The following NEK1 variants were observed in gnomAD, a reference collection of about 807,000 sequenced individuals.
The protein encoded by NEK1 is serine/threonine-protein kinase Nek1.
NEK1 carries 137 observed loss-of-function variants against 182.1 expected under a neutral mutation model. The ratio of observed to expected loss-of-function variants is 0.75; its 90% confidence interval spans 0.65 to 0.87. NEK1 has a LOEUF of 0.87. Among genes scored for constraint, NEK1 ranks in the 40% least tolerant of loss-of-function variants. The pLI is 0.00. For synonymous variants in NEK1, 513 were observed against 492.2 expected, an observed-to-expected ratio of 1.04 and a Z score of -0.56; for missense variants, 1,391 against 1,494.4, an observed-to-expected ratio of 0.93 and a Z score of 1.14.
At chr4:169,593,525 T>C (rs1489929013) in intron 5 of NEK1, among the ~76,000 whole-genome samples, 1 of 152,108 alleles carries the variant, frequency 6.6e-6, no homozygotes, top group African/African-American at 2.4e-5. Flanking sequence ...GAAGAGGTGA[T>C]TTCTGAGCTC....
chr4:169,439,392 T>TAG (rs1373641794), intron 27 of NEK1, among the ~76,000 whole-genome samples: 1 of 152,210 alleles, frequency 6.6e-6, no homozygotes, highest in Admixed American at 6.5e-5. Flanking sequence ...TATAAGTTGT[T>TAG]TTACTCTTTA....
At position 169,424,764 on chromosome 4, in the gene NEK1, T is replaced by A. The variant is rs1736080592; in HGVS notation, c.3011A>T (p.Asp1004Val). Residue 1004 changes from aspartate to valine, a missense_variant, in exon 31 of 36, where the codon GAT becomes GTT. Around this residue, in one of 5 missense-constraint regions of NEK1, gnomAD observed 1,216 missense variants for 1,277.6 expected, o/e 0.95. Transcript: ENST00000507142. ...GTNDSQHSKCDVDKSVQPEPF... is the reference protein window; with the variant it reads ...GTNDSQHSKCVVDKSVQPEPF... The stretch of plus-strand genomic sequence containing the variant: ...TTCCGGTTGCACAGACTTATCTACA[T>A]CACATTTAGAGTGCTGAGAATCATT... 4 of 1,613,204 alleles carry A rather than the reference T, an allele frequency of 2.5e-6. No homozygotes were observed. The highest frequency in any genetic ancestry group is 1.1e-5 in the South Asian group (1 of 91,036).
intron 2 of NEK1, among the ~76,000 whole-genome samples, chr4:169,610,682 A>G (rs752358344): frequency 1.5e-4 from 23 of 152,226 alleles, no homozygotes; most frequent in Non-Finnish European, 3.1e-4. Flanking sequence ...CCACATATAA[A>G]CAATTTTAGA....
Position 169,460,609 on chromosome 4 carries a change from T to A in NEK1, c.2587+2634A>T, listed in dbSNP as rs868636582. Among the ~76,000 whole-genome samples the A allele has an allele frequency of 5.9e-5, 9 of 152,166 alleles. No homozygotes were observed. The South Asian group carries it at 1.7e-3, about 28-fold the overall frequency. ...CAAACAAAAAAAACCCACTATGTACTGTACTAGAAAAATAAACTCAATGCC... is the reference window on the plus strand; with the variant it reads ...CAAACAAAAAAAACCCACTATGTACAGTACTAGAAAAATAAACTCAATGCC... On this transcript the variant is annotated intron_variant, in intron 27 of 35. Transcript: ENST00000507142.
intron 5 of NEK1, among the ~76,000 whole-genome samples, chr4:169,594,227 C>T (rs1015360320): frequency 6.6e-6 from 1 of 152,142 alleles, no homozygotes; most frequent in African/African-American, 2.4e-5. Context: ...CCTTATAGCA[C>T]CAAACAGTAC....
intron 31 of NEK1, among the ~76,000 whole-genome samples, chr4:169,408,520 T>C (rs1733039077): frequency 6.6e-6 from 1 of 152,202 alleles, no homozygotes; most frequent in African/African-American, 2.4e-5. Context: ...GATTTTTGGT[T>C]ACATGGATAC....
intron 24 of NEK1, among the ~76,000 whole-genome samples, chr4:169,478,723 T>C (rs1035337108): frequency 3.9e-5 from 6 of 152,132 alleles, no homozygotes; most frequent in African/African-American, 1.2e-4. Context: ...GAAGTTATTA[T>C]GTTATCTGAT....
chr4:169,406,932 G>A (rs1035382895), intron 31 of NEK1, among the ~76,000 whole-genome samples, 185 bp from the exon 32 acceptor site: 1 of 151,584 alleles, frequency 6.6e-6, no homozygotes, highest in Admixed American at 6.6e-5. Context: ...TTTAGAGCTA[G>A]AGGATCCAAA....
Position 169,402,048 on chromosome 4 carries a change from G to C in NEK1, c.3375-188C>G, listed in dbSNP as rs142245318. On this transcript the variant is annotated intron_variant, in intron 32 of 35. Transcript: ENST00000507142. ...TGTTTTTCACCGGTAAATTGAGGATGAATACAACTGATAAATATATCACAC... is the reference window on the plus strand; with the variant it reads ...TGTTTTTCACCGGTAAATTGAGGATCAATACAACTGATAAATATATCACAC... Among the ~76,000 whole-genome samples, 763 of 152,242 alleles carry C rather than the reference G, an allele frequency of 5.0e-3. 8 individuals carry two copies. The highest frequency in any genetic ancestry group is 0.018 in the African/African-American group (727 of 41,540).
At chr4:169,539,860 A>G (rs1270631047) in intron 18 of NEK1, among the ~76,000 whole-genome samples, 1 of 152,120 alleles carries the variant, frequency 6.6e-6, no homozygotes, top group Non-Finnish European at 1.5e-5. Context: ...ACGGAAGTAA[A>G]GCATGTTTGA....
rs962309930 is a variant in NEK1, at chr4:169,562,192, T to C, written c.1025A>G (p.His342Arg). ...KKPLQKHKQA[H>R]QTPEKRVNTG... ...ATTCACTCTCTTCTCTGGAGTTTGA[T>C]GGGCCTGGACAAAAAGTAAAACTAC... is the stretch of plus-strand genomic sequence containing the variant. The change falls in exon 13 of 36, where the codon CAT (histidine) becomes CGT (arginine). Residue 342 changes from histidine to arginine, a missense_variant. Physicochemically the swap from His to Arg is conservative, Grantham distance 29. This residue lies in a region of NEK1 where 1,216 missense variants were observed against 1,277.6 expected (regional missense o/e 0.95). Coordinates refer to ENST00000507142, the MANE Select transcript of NEK1 (RefSeq NM_001199397.3). 6 of 1,544,162 alleles carry C rather than the reference T, an allele frequency of 3.9e-6. No individual in the cohort carries two copies. Among genetic ancestry groups the C allele is most frequent in the Non-Finnish European group, 4.4e-6 (5 of 1,142,340 alleles).
intron 18 of NEK1, among the ~76,000 whole-genome samples, chr4:169,539,334 G>A (rs1276627138): frequency 2.0e-5 from 3 of 152,180 alleles, no homozygotes; most frequent in African/African-American, 4.8e-5. Context: ...ATCAATGTAA[G>A]GCTATATCCT....
At position 169,561,538 on chromosome 4, in the gene NEK1, C is replaced by T. The variant is rs778755268; in HGVS notation, c.1208G>A (p.Arg403Lys). Residue 403 changes from arginine to lysine, a missense_variant, in exon 16 of 36, where the codon AGG becomes AAG. Physicochemically the swap from Arg to Lys is conservative, Grantham distance 26 (BLOSUM62 2). Transcript: ENST00000507142. ...QEKERLERIN[R>K]AREQGWRNVL... ...ATTTCTCCATCCTTGTTCCCTGGCC[C>T]TATTTATTCTTTCCAACTTTGGGGA... 1.9e-6 allele frequency: 3 copies of T among 1,613,294 alleles called. No individual in the cohort carries two copies. The highest frequency in any genetic ancestry group is 2.2e-5 in the South Asian group (2 of 90,910).
intron 26 of NEK1, among the ~76,000 whole-genome samples, chr4:169,465,940 T>C (rs1250086083): frequency 6.6e-6 from 1 of 151,914 alleles, no homozygotes; most frequent in Non-Finnish European, 1.5e-5. Flanking sequence ...TTCACAACAT[T>C]TGGACACCCC....
intron 31 of NEK1, among the ~76,000 whole-genome samples, chr4:169,417,580 T>C (rs1734762648): frequency 6.6e-6 from 1 of 152,156 alleles, no homozygotes; most frequent in East Asian, 1.9e-4. Context: ...ATAAATTATA[T>C]TTAAAGCCTT....
intron 27 of NEK1, among the ~76,000 whole-genome samples, chr4:169,442,538 A>G (rs1739677963): frequency 6.6e-6 from 1 of 152,252 alleles, no homozygotes; most frequent in Non-Finnish European, 1.5e-5. Flanking sequence ...AAACATGAAA[A>G]GTAAGGAAAC....
intron 33 of NEK1, 81 bp from the exon 34 acceptor site, chr4:169,400,732 A>G: frequency 2.1e-6 from 2 of 959,146 alleles, no homozygotes; most frequent in Non-Finnish European, 3.0e-6. Flanking sequence ...TTCTATGACA[A>G]ATGAATAATG....
At chr4:169,515,556 G>T (rs1437421910) in intron 19 of NEK1, among the ~76,000 whole-genome samples, 3 of 143,064 alleles carry the variant, frequency 2.1e-5, no homozygotes, top group Non-Finnish European at 4.6e-5. Context: ...CATTGTGCAG[G>T]TTAGTTACAT....
chr4:169,600,974 T>C (rs1457908011), intron 4 of NEK1, among the ~76,000 whole-genome samples: 1 of 152,184 alleles, frequency 6.6e-6, no homozygotes, highest in Non-Finnish European at 1.5e-5. Context: ...TATTAAAATT[T>C]TGTTAACAAC....
Sources: gnomAD v4.1 joint callset for allele counts (sites outside exome capture counted in the v4.1 genomes callset) on GRCh38, gnomAD v4.1.1 for gene constraint, gnomAD v4.1.1 regional missense constraint, MANE v1.5 for transcripts, NCBI Gene and HGNC (gene_info 2026-07-23, HGNC 2026-07-21) for gene names.